GPR89B: variants seen among roughly 807,000 people sequenced by gnomAD.
GPR89B encodes G protein-coupled receptor 89B.
A neutral mutation model predicts 52.4 loss-of-function variants in GPR89B; 25 were observed. That is an observed-to-expected ratio of 0.48 (90% confidence interval 0.35 to 0.67). The LOEUF is 0.67. Ranked by LOEUF, GPR89B falls within the 30% of genes least tolerant of loss-of-function variation. The probability of loss-of-function intolerance (pLI) is 0.01; values close to 1 mark genes in which losing one functional copy is unlikely to be tolerated. For synonymous variants in GPR89B, 52 were observed against 151.2 expected, an observed-to-expected ratio of 0.34 and a Z score of 4.81; for missense variants, 146 against 450.2, an observed-to-expected ratio of 0.32 and a Z score of 6.11.
chr1:147,941,377 T>C (rs1654544434), intron 3 of GPR89B, among the ~76,000 whole-genome samples: 1 of 152,352 alleles, frequency 6.6e-6, no homozygotes, highest in East Asian at 1.9e-4. Flanking sequence ...GCCTGGAGGA[T>C]GTCCAGCTTG....
intron 7 of GPR89B, among the ~76,000 whole-genome samples, chr1:147,962,974 G>C (rs1656724586): frequency 6.8e-6 from 1 of 147,950 alleles, no homozygotes; most frequent in South Asian, 2.1e-4. Context: ...AAGAATCTTT[G>C]GAATCAAGGG....
At chr1:148,004,037 G>A in the GPR89B span, 2 of 435,098 alleles carry the variant, frequency 4.6e-6, no homozygotes, top group Non-Finnish European at 8.3e-6. Context: ...ACAATGCTGG[G>A]GAATAAGAAA....
intron 10 of GPR89B, among the ~76,000 whole-genome samples, chr1:147,983,989 A>G (rs1265966982): frequency 6.6e-6 from 1 of 151,546 alleles, no homozygotes; most frequent in Non-Finnish European, 1.5e-5. Context: ...ATGGAATACT[A>G]TGCAGCCATA....
intron 10 of GPR89B, among the ~76,000 whole-genome samples, chr1:147,971,928 A>C (rs1657504335): frequency 6.6e-6 from 1 of 151,488 alleles, no homozygotes; most frequent in East Asian, 1.9e-4. Flanking sequence ...TCCATCCATC[A>C]CTGCCATGAG....
intron 12 of GPR89B, among the ~76,000 whole-genome samples, chr1:147,991,299 G>T (rs1659049605): frequency 6.6e-6 from 1 of 152,034 alleles, no homozygotes; most frequent in Admixed American, 6.5e-5. Flanking sequence ...CATTGATTTT[G>T]TATCCTGAGA....
chr1:147,934,756 T>G (rs587750495), intron 1 of GPR89B, among the ~76,000 whole-genome samples: 3 of 152,104 alleles, frequency 2.0e-5, no homozygotes, highest in African/African-American at 7.2e-5. Flanking sequence ...TATTATGTTA[T>G]AATTATTTAT....
chr1:147,991,788 G>A (rs1427563745), intron 12 of GPR89B, among the ~76,000 whole-genome samples: 76 of 152,254 alleles, frequency 5.0e-4, no homozygotes, highest in African/African-American at 1.5e-3. Context: ...TGCATCCCAG[G>A]GATGAAGCCC....
At chr1:147,999,206 C>A in the GPR89B span, among the ~76,000 whole-genome samples, 1 of 151,598 alleles carries the variant, frequency 6.6e-6, no homozygotes, top group Admixed American at 6.6e-5. Context: ...TGACTTTCCA[C>A]CAACTGCAAA....
At chr1:148,002,168 C>G in the GPR89B span, among the ~76,000 whole-genome samples, 1 of 152,026 alleles carries the variant, frequency 6.6e-6, no homozygotes, top group South Asian at 2.1e-4. Context: ...TGCCCATTCT[C>G]CATCCCAAAG....
At chr1:147,946,034 C>T (rs1553249731) in intron 5 of GPR89B, among the ~76,000 whole-genome samples, 1 of 151,788 alleles carries the variant, frequency 6.6e-6, no homozygotes, top group African/African-American at 2.4e-5. Flanking sequence ...CCTCAAGTTT[C>T]TAGAGCTGTT....
chr1:148,017,148 T>C, the GPR89B span, among the ~76,000 whole-genome samples: 1 of 151,760 alleles, frequency 6.6e-6, no homozygotes, highest in African/African-American at 2.4e-5. Context: ...TTCAAGCGAT[T>C]CTCCTGCTTC....
At chr1:148,018,242 C>A in the GPR89B span, among the ~76,000 whole-genome samples, 2 of 139,942 alleles carry the variant, frequency 1.4e-5, no homozygotes, top group Admixed American at 7.0e-5. Flanking sequence ...CATGGTGAAA[C>A]CCCATCTCTA....
chr1:147,991,650 G>A (rs1659078102), intron 12 of GPR89B, among the ~76,000 whole-genome samples: 1 of 152,096 alleles, frequency 6.6e-6, no homozygotes, highest in Non-Finnish European at 1.5e-5. Flanking sequence ...TGAGTTTTTA[G>A]CATGAAGGGC....
the GPR89B span, among the ~76,000 whole-genome samples, chr1:148,002,921 A>G: frequency 6.6e-6 from 1 of 152,084 alleles, no homozygotes; most frequent in Non-Finnish European, 1.5e-5. Context: ...TGCCACCCCT[A>G]CTATGAGGGC....
intron 2 of GPR89B, among the ~76,000 whole-genome samples, chr1:147,937,125 C>T (rs1452646713): frequency 5.7e-4 from 86 of 151,678 alleles, no homozygotes; most frequent in Admixed American, 1.8e-3. Flanking sequence ...AAGTGTCGGC[C>T]GGTCTGAGAA....
downstream of GPR89B, among the ~76,000 whole-genome samples, chr1:147,997,065 A>G (rs1659330760): frequency 6.6e-6 from 1 of 152,236 alleles, no homozygotes; most frequent in African/African-American, 2.4e-5. Flanking sequence ...ATAGTGAGCA[A>G]GTCACTGAAC....
chr1:148,004,268 T>A, the GPR89B span, among the ~76,000 whole-genome samples: 4 of 151,342 alleles, frequency 2.6e-5, no homozygotes, highest in African/African-American at 9.7e-5. Flanking sequence ...GCCATTCTCC[T>A]GCCTCAGCCT....
intron 1 of GPR89B, among the ~76,000 whole-genome samples, chr1:147,930,813 A>T (rs1396828538): frequency 1.3e-5 from 2 of 151,994 alleles, no homozygotes; most frequent in African/African-American, 2.4e-5. Context: ...TATTCTTTAG[A>T]CTTCCTGAAC....
intron 10 of GPR89B, among the ~76,000 whole-genome samples, chr1:147,971,127 T>C (rs1657429284): frequency 6.6e-6 from 1 of 151,800 alleles, no homozygotes; most frequent in South Asian, 2.1e-4. Flanking sequence ...AAAGGTATTT[T>C]CCTAAGATGC....
Sources: allele counts gnomAD v4.1 joint callset (sites outside exome capture counted in the v4.1 genomes callset), GRCh38; gene constraint gnomAD v4.1.1; transcripts MANE v1.5; gene names NCBI Gene and HGNC (gene_info 2026-07-23, HGNC 2026-07-21).